PHIP: variants seen among roughly 807,000 people sequenced by gnomAD.
PHIP encodes PHIP subunit of CUL4-Ring ligase complex.
PHIP carries 54 observed loss-of-function variants against 236.8 expected under a neutral mutation model. That is an observed-to-expected ratio of 0.23 (90% confidence interval 0.18 to 0.29). The LOEUF is 0.29. Ranked by LOEUF, PHIP falls within the 10% of genes least tolerant of loss-of-function variation. The pLI, the probability that PHIP is intolerant of heterozygous loss-of-function variation, is 1.00. For missense variants in PHIP, 1,370 were observed against 2,190.8 expected, an observed-to-expected ratio of 0.63 and a Z score of 7.48; for synonymous variants, 756 against 718.9, an observed-to-expected ratio of 1.05 and a Z score of -0.83.
chr6:79,000,115 A>G (rs892060868), intron 17 of PHIP, among the ~76,000 whole-genome samples: 1 of 152,042 alleles, frequency 6.6e-6, no homozygotes, highest in South Asian at 2.1e-4. Flanking sequence ...TGCAAATAAA[A>G]AGCTAAGGTT....
intron 15 of PHIP, among the ~76,000 whole-genome samples, chr6:79,006,937 G>C (rs1269667954): frequency 2.6e-5 from 4 of 152,048 alleles, no homozygotes; most frequent in Non-Finnish European, 4.4e-5. Flanking sequence ...AATAAGAGGA[G>C]TAAAAAGAAA....
chr6:79,071,947 G>GAA (rs1016653919), intron 4 of PHIP, among the ~76,000 whole-genome samples: 7 of 139,824 alleles, frequency 5.0e-5, no homozygotes, highest in African/African-American at 1.8e-4. Context: ...TCCAGATTAT[G>GAA]AAAAAAAAAA....
At chr6:79,024,519 T>C (rs1771287538) in intron 9 of PHIP, among the ~76,000 whole-genome samples, 1 of 152,114 alleles carries the variant, frequency 6.6e-6, no homozygotes, top group Non-Finnish European at 1.5e-5. Context: ...AGATATGGTA[T>C]AGAGGCTGGG....
At chr6:79,024,430 T>C (rs1463607097) in intron 9 of PHIP, among the ~76,000 whole-genome samples, 4 of 152,170 alleles carry the variant, frequency 2.6e-5, no homozygotes, top group Admixed American at 1.3e-4. Context: ...GAATAATCAA[T>C]TGAATACACT....
intron 22 of PHIP, among the ~76,000 whole-genome samples, chr6:78,984,540 A>T (rs1383450464): frequency 1.3e-5 from 2 of 152,158 alleles, no homozygotes; most frequent in Non-Finnish European, 2.9e-5. Flanking sequence ...TTAATACAGG[A>T]ACTCCTATGT....
At chr6:79,034,639 T>C (rs1771841572) in intron 7 of PHIP, among the ~76,000 whole-genome samples, 1 of 152,236 alleles carries the variant, frequency 6.6e-6, no homozygotes, top group African/African-American at 2.4e-5. Context: ...GAGCTCTTTC[T>C]GGTATGGCTT....
chr6:78,994,059 G>A (rs1401533822), intron 19 of PHIP, among the ~76,000 whole-genome samples: 2 of 152,164 alleles, frequency 1.3e-5, no homozygotes, highest in South Asian at 4.1e-4. Flanking sequence ...GATTCCGAAG[G>A]CTGAAGACAT....
At chr6:79,019,222 CTG>C in intron 9 of PHIP, 63 bp from the exon 10 acceptor site, 1 of 1,221,738 alleles carries the variant, frequency 8.2e-7, no homozygotes, top group Non-Finnish European at 1.2e-6. Flanking sequence ...CAGAAATAAT[CTG>C]TTTCAAAAAA....
At position 78,990,903 on chromosome 6, in the gene PHIP, C is replaced by T. The variant is rs750734339; in HGVS notation, c.2284G>A (p.Val762Ile). The T allele has an allele frequency of 7.5e-6, 12 of 1,602,494 alleles. No homozygotes were observed. The African/African-American group carries it at 1.3e-4, about 18-fold the overall frequency. ...RSEEKRKHLT[V>I]PKENKIPTVS... ...GTGGGTATTTTATTCTCTTTTGGAA[C>T]AGTTAAGTGTTTTCTTTTCTCTTCT... The change falls in exon 20 of 40, where the codon GTT (valine) becomes ATT (isoleucine). Residue 762 changes from valine (V) to isoleucine (I), a missense_variant. By Grantham distance (29) the Val-to-Ile change is conservative. Around this residue, in one of 14 missense-constraint regions of PHIP, gnomAD observed 99 missense variants for 110.0 expected, o/e 0.90. Transcript: ENST00000275034.
intron 6 of PHIP, among the ~76,000 whole-genome samples, chr6:79,054,677 C>A (rs1772981977): frequency 1.3e-5 from 2 of 150,246 alleles, no homozygotes; most frequent in African/African-American, 2.4e-5. Context: ...TAAAAAAATT[C>A]TAATAATTAT....
chr6:79,048,582 C>T (rs1361082290), intron 6 of PHIP, among the ~76,000 whole-genome samples: 2 of 151,842 alleles, frequency 1.3e-5, no homozygotes, highest in Non-Finnish European at 2.9e-5. Flanking sequence ...CAATAAATTA[C>T]CCAAGATCAA....
intron 35 of PHIP, 43 bp downstream of exon 35, chr6:78,954,771 T>C (rs368603757): frequency 4.2e-5 from 55 of 1,325,238 alleles, no homozygotes; most frequent in East Asian, 4.0e-4. Flanking sequence ...AAAAGGTATG[T>C]AGCAAACTGA....
chr6:79,071,508 A>T (rs930226377), intron 4 of PHIP, among the ~76,000 whole-genome samples: 1 of 152,224 alleles, frequency 6.6e-6, no homozygotes, highest in Non-Finnish European at 1.5e-5. Flanking sequence ...TAAAATTTTA[A>T]ATTTGATTCC....
At chr6:79,018,454 A>C (rs1770943106) in intron 10 of PHIP, among the ~76,000 whole-genome samples, 1 of 151,994 alleles carries the variant, frequency 6.6e-6, no homozygotes, top group Admixed American at 6.6e-5. Flanking sequence ...ACTGAAAATA[A>C]AGGTAGGAGG....
chr6:78,946,889 A>G lies in PHIP; in HGVS notation c.4207-15T>C, dbSNP rs1459664089. 1 of 1,531,712 alleles carries G rather than the reference A, an allele frequency of 6.5e-7. No individual in the cohort carries two copies. The highest frequency in any genetic ancestry group is 8.7e-7 in the Non-Finnish European group (1 of 1,145,470). The allele number at this position is 1,531,712 out of a possible 1,614,324, so 94.9% of individuals were successfully genotyped here. On this transcript the variant is annotated splice_polypyrimidine_tract_variant and intron_variant, in intron 36 of 39. Coordinates refer to ENST00000275034, the MANE Select transcript of PHIP (RefSeq NM_017934.7). Reference sequence around the variant, plus strand: ...ATGCTGTAAATCTGTGAGGGAAAAAAAAAAGTGTTCAACCATTCCTTGGAG... The same window carrying G: ...ATGCTGTAAATCTGTGAGGGAAAAAGAAAAGTGTTCAACCATTCCTTGGAG...
intron 35 of PHIP, among the ~76,000 whole-genome samples, chr6:78,948,505 C>G (rs188724227): frequency 6.6e-6 from 1 of 151,994 alleles, no homozygotes; most frequent in Admixed American, 6.6e-5. Flanking sequence ...TTGTACCCCC[C>G]CTTTTTGGGA....
intron 35 of PHIP, among the ~76,000 whole-genome samples, chr6:78,949,414 C>T (rs762389975): frequency 3.3e-5 from 5 of 152,260 alleles, no homozygotes; most frequent in Non-Finnish European, 5.9e-5. Context: ...CTCACTCTCA[C>T]ACACTAAGCC....
chr6:78,942,326 T>C (rs1773546978), intron 39 of PHIP, among the ~76,000 whole-genome samples: 1 of 151,950 alleles, frequency 6.6e-6, no homozygotes, highest in South Asian at 2.1e-4. Context: ...CTACTAAAAG[T>C]ACAAAAAGTA....
intron 4 of PHIP, among the ~76,000 whole-genome samples, chr6:79,064,930 G>A (rs1407562402): frequency 6.6e-6 from 1 of 152,124 alleles, no homozygotes; most frequent in African/African-American, 2.4e-5. Flanking sequence ...TGAATTGATG[G>A]ATCCTCATGA....
Sources: gnomAD v4.1 joint callset for allele counts (sites outside exome capture counted in the v4.1 genomes callset) on GRCh38, gnomAD v4.1.1 for gene constraint, gnomAD v4.1.1 regional missense constraint, MANE v1.5 for transcripts, NCBI Gene and HGNC (gene_info 2026-07-23, HGNC 2026-07-21) for gene names.